Variants in MCPH1 observed in about 807,000 individuals in gnomAD.
MCPH1 encodes the protein microcephalin.
A neutral mutation model predicts 84.5 loss-of-function variants in MCPH1; 104 were observed. That is an observed-to-expected ratio of 1.23 (90% CI 1.05 to 1.45). The LOEUF (loss-of-function observed/expected upper bound fraction) is 1.45. Ranked by LOEUF, MCPH1 falls within the 40% of genes most tolerant of loss-of-function variation. MCPH1 has a pLI of 0.00. For synonymous variants in MCPH1, 514 were observed against 366.8 expected (o/e 1.40, Z -4.58); for missense variants, 1,498 against 1,005.7 (o/e 1.49, Z -6.62).
intron 11 of MCPH1, among the ~76,000 whole-genome samples, chr8:6,496,898 T>A (rs1246130813): frequency 2.6e-5 from 4 of 152,150 alleles, no homozygotes; most frequent in Non-Finnish European, 5.9e-5. Context: ...CCCAGTTTTC[T>A]CTCATCACTT....
intron 12 of MCPH1, among the ~76,000 whole-genome samples, chr8:6,595,713 G>T (rs1483988667): frequency 1.3e-5 from 2 of 152,110 alleles, no homozygotes; most frequent in Non-Finnish European, 2.9e-5. Context: ...TCTGCTGCAG[G>T]TTTGAGTGAA....
chr8:6,498,334 A>T (rs1013516775), intron 11 of MCPH1, among the ~76,000 whole-genome samples: 12 of 152,206 alleles, frequency 7.9e-5, no homozygotes, highest in African/African-American at 2.9e-4. Context: ...TAAGGTAAAG[A>T]TGTGTTCGGC....
intron 12 of MCPH1, among the ~76,000 whole-genome samples, chr8:6,594,322 G>A (rs1828753918): frequency 6.6e-6 from 1 of 152,200 alleles, no homozygotes; most frequent in Admixed American, 6.5e-5. Flanking sequence ...GTTTACCCAG[G>A]GCACCTCTGG....
chr8:6,423,137 G>C (rs547816991), intron 3 of MCPH1, among the ~76,000 whole-genome samples: 9 of 149,382 alleles, frequency 6.0e-5, no homozygotes, highest in Admixed American at 1.3e-4. Context: ...CACTTTTAAG[G>C]TCCTCAGAAG....
At chr8:6,468,468 G>T (rs575122590) in intron 9 of MCPH1, among the ~76,000 whole-genome samples, 2 of 152,124 alleles carry the variant, frequency 1.3e-5, no homozygotes, top group Non-Finnish European at 2.9e-5. Flanking sequence ...TAACATTGGG[G>T]CTCCCCAGCG....
intron 13 of MCPH1, chr8:6,626,252 C>T: frequency 1.2e-5 from 12 of 985,372 alleles, no homozygotes; most frequent in Non-Finnish European, 1.4e-5. Flanking sequence ...CAACAGGGCT[C>T]AGTATACAAA....
intron 10 of MCPH1, among the ~76,000 whole-genome samples, chr8:6,479,112 A>T (rs1437472955): frequency 6.6e-6 from 1 of 152,198 alleles, no homozygotes; most frequent in East Asian, 1.9e-4. Context: ...AAAAAAATGC[A>T]AAAGTTAGCC....
chr8:6,446,795 A>G (rs1021344929), intron 8 of MCPH1: 3 of 984,284 alleles, frequency 3.0e-6, no homozygotes, highest in Non-Finnish European at 3.6e-6. Flanking sequence ...CTGGTAGCAA[A>G]CAGTGTGGCA....
intron 13 of MCPH1, chr8:6,625,012 A>C (rs992057910): frequency 4.0e-6 from 2 of 499,378 alleles, no homozygotes; most frequent in Non-Finnish European, 5.2e-6. Flanking sequence ...AGTAGCTGGA[A>C]TTACAGGCCC....
At chr8:6,623,392 C>T (rs771227228) in intron 13 of MCPH1, among the ~76,000 whole-genome samples, 2 of 152,030 alleles carry the variant, frequency 1.3e-5, no homozygotes, top group East Asian at 1.9e-4. Flanking sequence ...TTCTTTTTCT[C>T]TCTCTTTGCT....
intron 8 of MCPH1, 190 bp downstream of exon 8, chr8:6,445,737 T>G: frequency 7.9e-6 from 11 of 1,390,266 alleles, no homozygotes; most frequent in Non-Finnish European, 1.0e-5. Flanking sequence ...CTTGTGGAAC[T>G]TCTAGACTTA....
chr8:6,447,467 G>T (rs368789155), intron 8 of MCPH1: 11 of 968,854 alleles, frequency 1.1e-5, no homozygotes, highest in South Asian at 4.8e-5. Flanking sequence ...TGTAAAAAAG[G>T]CTTCAAAAAC....
chr8:6,505,063 T>C (rs1813013190), intron 12 of MCPH1, among the ~76,000 whole-genome samples: 1 of 150,892 alleles, frequency 6.6e-6, no homozygotes, highest in East Asian at 1.9e-4. Context: ...GGAAAATTAA[T>C]AAATAAAGTG....
chr8:6,569,273 C>T (rs1164861598), intron 12 of MCPH1, among the ~76,000 whole-genome samples: 1 of 152,216 alleles, frequency 6.6e-6, no homozygotes, highest in Non-Finnish European at 1.5e-5. Context: ...AAGGCAGGCT[C>T]CCTATATAGT....
Position 6,436,174 on chromosome 8 carries a change from A to G in MCPH1, c.436+12A>G. The G allele has an allele frequency of 1.2e-6, 2 of 1,611,610 alleles. No individual in the cohort carries two copies. Among genetic ancestry groups the G allele is most frequent in the Non-Finnish European group, 1.7e-6 (2 of 1,179,010 alleles). ...AAAAACAAATCTAGGTAAGCTAAGAAATATAATACAGTTCTTTGCATTTGT... is the reference window on the plus strand; with the variant it reads ...AAAAACAAATCTAGGTAAGCTAAGAGATATAATACAGTTCTTTGCATTTGT... On this transcript the variant is annotated intron_variant, in intron 5 of 13. Coordinates refer to ENST00000344683, the MANE Select transcript of MCPH1 (RefSeq NM_024596.5).
In MCPH1 at chr8:6,646,472, C is replaced by T. The variant is rs1446657345; in HGVS notation, c.*3423C>T. The T allele has an allele frequency of 2.0e-5, 3 of 152,148 alleles. No individual in the cohort carries two copies. The highest frequency in any genetic ancestry group is 2.9e-5 in the Non-Finnish European group (2 of 68,010). 9.4% of individuals were successfully genotyped at this position (152,148 alleles called of 1,614,324 possible). On this transcript the variant is annotated 3_prime_UTR_variant, in exon 14 of 14. Transcript: ENST00000344683. ...AATCTTCATATTTATGGCTGATTGA[C>T]TTTGAACAAAGGTGACGAGGCAAGT...
chr8:6,525,024 G>A (rs973338492), intron 12 of MCPH1, among the ~76,000 whole-genome samples: 3 of 152,190 alleles, frequency 2.0e-5, no homozygotes, highest in Admixed American at 2.0e-4. Flanking sequence ...GTAAAATGAA[G>A]GCATTCGATT....
Position 6,455,143 on chromosome 8 carries a change from G to T in MCPH1, c.1826G>T (p.Ser609Ile). 6.2e-7 allele frequency: 1 copy of T among 1,612,590 alleles called. No homozygotes were observed. The highest frequency in any genetic ancestry group is 8.5e-7 in the Non-Finnish European group (1 of 1,178,706). ...AATTTTTAATCCCCTTGGGTTTTAG[G>T]TGTTAAAAATAGACCAACAAGGCAT... The part of the protein sequence containing the change: ...KENLPGGYSG[S>I]VKNRPTRHDV... The change falls in exon 9 of 14, where the codon AGT (serine) becomes ATT (isoleucine). Residue 609 changes from serine (S) to isoleucine (I), a missense_variant and splice_region_variant. Coordinates refer to ENST00000344683, the MANE Select transcript of MCPH1 (RefSeq NM_024596.5).
Position 6,514,902 on chromosome 8 carries a change from G to T in MCPH1, c.2214+14973G>T. On this transcript the variant is annotated intron_variant, in intron 12 of 13. Coordinates refer to ENST00000344683, the MANE Select transcript of MCPH1 (RefSeq NM_024596.5). Reference sequence around the variant, plus strand: ...CCGAGAGGGTTCTCTGGGATATAAGGCACGGAGTAGACCATCGGGGTTGTC... The same window carrying T: ...CCGAGAGGGTTCTCTGGGATATAAGTCACGGAGTAGACCATCGGGGTTGTC... The T allele has an allele frequency of 4.2e-6, 3 of 715,262 alleles. No homozygotes were observed. In the East Asian group the frequency reaches 7.5e-5, roughly 18 times the overall value. 44.3% of individuals were successfully genotyped at this position (715,262 alleles called of 1,614,324 possible).
Sources: allele counts gnomAD v4.1 joint callset (sites outside exome capture counted in the v4.1 genomes callset), GRCh38; gene constraint gnomAD v4.1.1; transcripts MANE v1.5; gene names NCBI Gene and HGNC (gene_info 2026-07-23, HGNC 2026-07-21).